Variants in ERC2 observed in about 807,000 individuals in gnomAD.
ERC2 encodes the protein ERC protein 2.
ERC2 carries 42 observed loss-of-function variants against 114.8 expected under a neutral mutation model. That is an observed-to-expected ratio of 0.37 (90% confidence interval 0.29 to 0.47). The LOEUF (loss-of-function observed/expected upper bound fraction) is 0.47. Among genes scored for constraint, ERC2 ranks in the 20% least tolerant of loss-of-function variants. The probability of loss-of-function intolerance (pLI) is 0.99; values close to 1 mark genes in which losing one functional copy is unlikely to be tolerated. For synonymous variants in ERC2, 454 were observed against 425.5 expected, an observed-to-expected ratio of 1.07 and a Z score of -0.82; for missense variants, 939 against 1,150.7, an observed-to-expected ratio of 0.82 and a Z score of 2.66.
At chr3:56,331,198 G>C (rs576230312) in intron 2 of ERC2, among the ~76,000 whole-genome samples, 1 of 152,164 alleles carries the variant, frequency 6.6e-6, no homozygotes, top group African/African-American at 2.4e-5. Flanking sequence ...TCAGTTTAGA[G>C]AGAATCCCCT....
intron 13 of ERC2, among the ~76,000 whole-genome samples, chr3:55,922,898 T>C (rs900876308): frequency 1.3e-5 from 2 of 152,088 alleles, no homozygotes; most frequent in Non-Finnish European, 2.9e-5. Context: ...TTGGTGAGGA[T>C]GTGGGGGAAT....
At chr3:56,239,527 A>C (rs1472607481) in intron 3 of ERC2, among the ~76,000 whole-genome samples, 4 of 152,164 alleles carry the variant, frequency 2.6e-5, no homozygotes, top group African/African-American at 7.2e-5. Flanking sequence ...TAAAATAAAA[A>C]GAAGATAAAA....
At chr3:56,202,667 T>G (rs139989414) in intron 3 of ERC2, among the ~76,000 whole-genome samples, 405 of 152,190 alleles carry the variant, frequency 2.7e-3, no homozygotes, top group Non-Finnish European at 4.1e-3. Flanking sequence ...AAAACATACA[T>G]AAACCTAGAG....
At chr3:55,560,348 A>G (rs2055921335) in intron 17 of ERC2, among the ~76,000 whole-genome samples, 1 of 152,214 alleles carries the variant, frequency 6.6e-6, no homozygotes, top group Non-Finnish European at 1.5e-5. Flanking sequence ...GTCAGGTTGG[A>G]GCAAGGTTTC....
intron 3 of ERC2, among the ~76,000 whole-genome samples, chr3:56,242,872 T>C (rs1188934219): frequency 1.3e-5 from 2 of 152,200 alleles, no homozygotes; most frequent in Non-Finnish European, 2.9e-5. Flanking sequence ...TGTATGCTTA[T>C]TGGTAGATTT....
intron 13 of ERC2, among the ~76,000 whole-genome samples, chr3:55,904,217 T>A (rs1300718041): frequency 6.6e-6 from 1 of 152,136 alleles, no homozygotes; most frequent in Non-Finnish European, 1.5e-5. Flanking sequence ...TCATCCAAAA[T>A]CATTTCTTTA....
chr3:55,558,780 C>A (rs1227368117), intron 17 of ERC2, among the ~76,000 whole-genome samples: 2 of 152,198 alleles, frequency 1.3e-5, no homozygotes, highest in Non-Finnish European at 2.9e-5. Flanking sequence ...GGGCCAAATT[C>A]TCCTCTGAGA....
chr3:56,130,994 T>C (rs2080170266), intron 6 of ERC2, among the ~76,000 whole-genome samples: 1 of 152,022 alleles, frequency 6.6e-6, no homozygotes, highest in African/African-American at 2.4e-5. Context: ...CCTACAGACA[T>C]TAGGGGAGGG....
intron 15 of ERC2, among the ~76,000 whole-genome samples, chr3:55,714,088 C>G (rs1214953490): frequency 6.6e-6 from 1 of 152,112 alleles, no homozygotes; most frequent in African/African-American, 2.4e-5. Context: ...AATATTGAAC[C>G]TATAGAACTT....
chr3:56,381,137 T>C (rs2059733692), intron 2 of ERC2, among the ~76,000 whole-genome samples: 1 of 152,222 alleles, frequency 6.6e-6, no homozygotes, highest in South Asian at 2.1e-4. Flanking sequence ...ATAAATTCAT[T>C]ATTCCGATAT....
intron 14 of ERC2, among the ~76,000 whole-genome samples, chr3:55,781,254 T>A (rs1445378341): frequency 6.6e-6 from 1 of 152,104 alleles, no homozygotes; most frequent in East Asian, 1.9e-4. Flanking sequence ...CTGTTTCAAG[T>A]TCAGATCTGC....
intron 12 of ERC2, among the ~76,000 whole-genome samples, chr3:55,980,819 T>C (rs1165856357): frequency 6.6e-6 from 1 of 152,140 alleles, no homozygotes; most frequent in African/African-American, 2.4e-5. Flanking sequence ...TCATGACTTA[T>C]AAGGCCTACC....
intron 3 of ERC2, among the ~76,000 whole-genome samples, chr3:56,268,282 G>A (rs2053451370): frequency 6.6e-6 from 1 of 152,158 alleles, no homozygotes; most frequent in Admixed American, 6.5e-5. Context: ...TATAGCCTAG[G>A]TATGTAGGAA....
At chr3:55,531,396 G>A (rs1317754447) in intron 17 of ERC2, among the ~76,000 whole-genome samples, 3 of 152,138 alleles carry the variant, frequency 2.0e-5, no homozygotes, top group Non-Finnish European at 2.9e-5. Flanking sequence ...GGAAAAGGAA[G>A]CTGATCCTTC....
chr3:56,341,238 G>A (rs74999997), intron 2 of ERC2, among the ~76,000 whole-genome samples: 2,881 of 152,228 alleles, frequency 0.019, 103 homozygotes, highest in African/African-American at 0.064. Context: ...ATCTTACAAA[G>A]GCTATTCTAA....
intron 7 of ERC2, among the ~76,000 whole-genome samples, chr3:56,070,551 A>G (rs2076687561): frequency 6.6e-6 from 1 of 152,068 alleles, no homozygotes; most frequent in Non-Finnish European, 1.5e-5. Flanking sequence ...TTAAAAGAGA[A>G]TTTGCCTCCC....
chr3:55,852,379 A>G (rs998655191), intron 14 of ERC2: 29 of 154,784 alleles, frequency 1.9e-4, no homozygotes, highest in African/African-American at 7.0e-4. Context: ...TATAGGTAAG[A>G]TAAATATGGC....
chr3:56,286,075 G>A (rs2054681796), intron 3 of ERC2, among the ~76,000 whole-genome samples: 1 of 152,120 alleles, frequency 6.6e-6, no homozygotes, highest in Non-Finnish European at 1.5e-5. Flanking sequence ...AATACCCAAT[G>A]TGTTAGGAAT....
intron 2 of ERC2, among the ~76,000 whole-genome samples, chr3:56,386,007 T>C (rs1210882330): frequency 6.6e-6 from 1 of 152,168 alleles, no homozygotes; most frequent in African/African-American, 2.4e-5. Flanking sequence ...GATAGACATA[T>C]GGCTTCAAAG....
Sources: allele counts gnomAD v4.1 joint callset (sites outside exome capture counted in the v4.1 genomes callset), GRCh38; gene constraint gnomAD v4.1.1; transcripts MANE v1.5; gene names NCBI Gene and HGNC (gene_info 2026-07-23, HGNC 2026-07-21).